Variants in ACYP2 observed in about 807,000 individuals in gnomAD.
ACYP2 encodes acylphosphatase 2, also known as acylphosphatase-2.
ACYP2 carries 12 observed loss-of-function variants against 11.2 expected under a neutral mutation model. The ratio of observed to expected loss-of-function variants is 1.08; its 90% CI spans 0.69 to 1.74. ACYP2 has a LOEUF of 1.74. Among genes scored for constraint, ACYP2 ranks in the 40% most tolerant of loss-of-function variants. The pLI is 0.00. For synonymous variants in ACYP2, 43 were observed against 32.2 expected, an observed-to-expected ratio of 1.33 and a Z score of -1.13; for missense variants, 134 against 101.9, an observed-to-expected ratio of 1.31 and a Z score of -1.35.
chr2:54,009,549 G>A (rs550498797), intron 2 of ACYP2, among the ~76,000 whole-genome samples: 1 of 152,136 alleles, frequency 6.6e-6, no homozygotes, highest in Non-Finnish European at 1.5e-5. Flanking sequence ...ACGCCAGCCT[G>A]GGGGACACGA....
intron 6 of ACYP2, among the ~76,000 whole-genome samples, chr2:54,275,074 GA>G (rs34214502): frequency 0.24 from 36,076 of 151,710 alleles, 4,842 homozygotes; most frequent in African/African-American, 0.34. Context: ...TATAAAAGAA[GA>G]AAAAAAACCT....
intron 6 of ACYP2, among the ~76,000 whole-genome samples, chr2:54,293,426 G>C (rs560126775): frequency 6.6e-5 from 10 of 152,322 alleles, no homozygotes; most frequent in African/African-American, 2.4e-4. Context: ...CCTGGGCATA[G>C]CTCAAGCCTG....
intron 4 of ACYP2, among the ~76,000 whole-genome samples, chr2:54,086,567 T>C (rs1192647019): frequency 1.3e-5 from 2 of 152,256 alleles, no homozygotes; most frequent in Non-Finnish European, 2.9e-5. Flanking sequence ...TCATTTATTA[T>C]CATTTTGGTC....
intron 6 of ACYP2, among the ~76,000 whole-genome samples, chr2:54,186,575 G>C (rs530570775): frequency 6.6e-6 from 1 of 152,104 alleles, no homozygotes; most frequent in Admixed American, 6.6e-5. Context: ...GTACAATGGC[G>C]TGGTCTCAGC....
chr2:54,037,629 A>G (rs958989569), intron 2 of ACYP2, among the ~76,000 whole-genome samples: 3 of 151,820 alleles, frequency 2.0e-5, no homozygotes, highest in Admixed American at 2.0e-4. Context: ...GCTAATCTTG[A>G]ACTCTTGGCC....
chr2:54,100,971 T>C (rs1161267117), intron 4 of ACYP2, among the ~76,000 whole-genome samples: 1 of 152,222 alleles, frequency 6.6e-6, no homozygotes, highest in Admixed American at 6.5e-5. Flanking sequence ...GGGCTAAGCC[T>C]TCTTGGAAAT....
intron 2 of ACYP2, among the ~76,000 whole-genome samples, chr2:53,981,677 T>G (rs1030347531): frequency 6.6e-6 from 1 of 152,120 alleles, no homozygotes; most frequent in East Asian, 1.9e-4. Context: ...GGGTTTTCCT[T>G]TAGATTTAGT....
At chr2:54,083,386 C>T (rs1377401849) in intron 4 of ACYP2, among the ~76,000 whole-genome samples, 2 of 152,160 alleles carry the variant, frequency 1.3e-5, no homozygotes, top group Admixed American at 1.3e-4. Flanking sequence ...TGGCAGCACA[C>T]CAGTCTTCTT....
chr2:54,089,279 CTAAG>C lies in ACYP2; in HGVS notation c.277+31922_277+31925del, dbSNP rs1056359072. Among the ~76,000 whole-genome samples the C allele has an allele frequency of 8.0e-5, 12 of 149,720 alleles. No homozygotes were observed. The East Asian group carries it at 9.6e-4, about 12-fold the overall frequency. On this transcript the variant is annotated intron_variant, in intron 4 of 6. Transcript: ENST00000607452. ...TTGAATCAATGTGTTAACTTGCTAA[CTAAG>C]TATTTATTTTTAATATTAAAAATGT...
intron 6 of ACYP2, among the ~76,000 whole-genome samples, chr2:54,208,895 G>C (rs890244808): frequency 6.6e-6 from 1 of 151,822 alleles, no homozygotes; most frequent in East Asian, 1.9e-4. Flanking sequence ...GTTCATTGAG[G>C]CAATTTGTAA....
At chr2:54,245,912 A>G (rs1686928730) in intron 6 of ACYP2, among the ~76,000 whole-genome samples, 1 of 152,074 alleles carries the variant, frequency 6.6e-6, no homozygotes, top group Non-Finnish European at 1.5e-5. Context: ...TTGAGGTCTT[A>G]TTCATAAAAT....
chr2:54,285,359 G>A (rs1031313338), intron 6 of ACYP2, among the ~76,000 whole-genome samples: 1 of 152,176 alleles, frequency 6.6e-6, no homozygotes, highest in African/African-American at 2.4e-5. Context: ...AGCCTATTCT[G>A]TGGGATGCTC....
intron 3 of ACYP2, among the ~76,000 whole-genome samples, chr2:54,053,929 A>C (rs1675992814): frequency 1.3e-5 from 2 of 152,200 alleles, no homozygotes; most frequent in South Asian, 4.1e-4. Flanking sequence ...CTGGTCTTTC[A>C]TTAAATCTCA....
intron 1 of ACYP2, among the ~76,000 whole-genome samples, chr2:53,972,075 C>T (rs529312603): frequency 1.6e-4 from 24 of 151,944 alleles, no homozygotes; most frequent in Non-Finnish European, 3.4e-4. Flanking sequence ...TTTGGGAGGC[C>T]GAGGCGGGCG....
At chr2:54,029,570 C>A in intron 2 of ACYP2, 1 of 397,692 alleles carries the variant, frequency 2.5e-6, no homozygotes, top group Non-Finnish European at 4.8e-6. Context: ...GTGGAGCTGA[C>A]TGGTGCTTCA....
At chr2:54,244,287 C>T (rs1178066772) in intron 6 of ACYP2, among the ~76,000 whole-genome samples, 2 of 152,114 alleles carry the variant, frequency 1.3e-5, no homozygotes, top group African/African-American at 2.4e-5. Context: ...CTGCAACCTC[C>T]GCCTCCTGGG....
chr2:54,079,639 T>G (rs1279287808), intron 4 of ACYP2, among the ~76,000 whole-genome samples: 1 of 152,218 alleles, frequency 6.6e-6, no homozygotes, highest in Non-Finnish European at 1.5e-5. Context: ...CTTGATGACA[T>G]TGTTGAGTCC....
At chr2:54,207,173 A>ATATGTGTGTGTGTGTGTGTGTG (rs1685108257) in intron 6 of ACYP2, among the ~76,000 whole-genome samples, 1 of 138,650 alleles carries the variant, frequency 7.2e-6, no homozygotes, top group African/African-American at 2.7e-5. Context: ...CAACATGTAT[A>ATATGTGTGTGTGTGTGTGTGTG]TGTGTGTGTG....
chr2:54,070,614 C>CT (rs1558507444), intron 4 of ACYP2, among the ~76,000 whole-genome samples: 1 of 152,194 alleles, frequency 6.6e-6, no homozygotes, highest in Non-Finnish European at 1.5e-5. Context: ...ATTCAGCCCT[C>CT]TGTGTTCCAG....
Sources: allele counts gnomAD v4.1 joint callset (sites outside exome capture counted in the v4.1 genomes callset), GRCh38; gene constraint gnomAD v4.1.1; transcripts MANE v1.5; gene names NCBI Gene and HGNC (gene_info 2026-07-23, HGNC 2026-07-21).